Variants in LINGO1 observed in about 807,000 individuals in gnomAD.
LINGO1 encodes leucine rich repeat and Ig domain containing 1.
Under a neutral mutation model 37.3 loss-of-function variants are expected in LINGO1, and 11 were observed. That is an observed-to-expected ratio of 0.29 (90% CI 0.19 to 0.49). The LOEUF (loss-of-function observed/expected upper bound fraction) is 0.49, where lower values mean the gene tolerates loss of function less well. Ranked by LOEUF, LINGO1 falls within the 20% of genes least tolerant of loss-of-function variation. The probability of loss-of-function intolerance (pLI) is 0.99; values close to 1 mark genes in which losing one functional copy is unlikely to be tolerated. For missense variants in LINGO1, 585 were observed against 878.2 expected (o/e 0.67, Z 4.22); for synonymous variants, 387 against 403.0 (o/e 0.96, Z 0.48).
intron 3 of LINGO1, among the ~76,000 whole-genome samples, chr15:77,650,982 G>C (rs2141138593): frequency 6.6e-6 from 1 of 152,240 alleles, no homozygotes; most frequent in Admixed American, 6.5e-5. Flanking sequence ...GCTAGGTCCA[G>C]AGTGGATCTG....
chr15:77,785,901 T>C (rs1449115040), intron 1 of LINGO1, among the ~76,000 whole-genome samples: 1 of 152,134 alleles, frequency 6.6e-6, no homozygotes, highest in Non-Finnish European at 1.5e-5. Context: ...CACCTACTCA[T>C]GATGTGGCGG....
At chr15:77,696,120 TATCTCTGTATAATG>T (rs2075689297) in intron 1 of LINGO1, 1 of 152,154 alleles carries the variant, frequency 6.6e-6, no homozygotes, top group Non-Finnish European at 1.5e-5. Flanking sequence ...TTAGGCTAAA[TATCTCTGTATAATG>T]GGGAATTATC....
Position 77,713,994 on chromosome 15 carries a change from C to T in LINGO1, c.-195+20998G>A, listed in dbSNP as rs1056697241. Among the ~76,000 whole-genome samples, 3 of 152,268 alleles carry T rather than the reference C, an allele frequency of 2.0e-5. No individual in the cohort carries two copies. The East Asian group carries it at 5.8e-4, about 29-fold the overall frequency. On this transcript the variant is annotated intron_variant, in intron 2 of 3. Coordinates refer to the LINGO1 transcript ENST00000561686. ...CCTTGGCTTTGCCCAGGTCTTTAAA[C>T]ACCATCTACAGCTGCTGGTTCCCAC... is the stretch of plus-strand genomic sequence containing the variant.
chr15:77,778,589 G>C (rs374033551), intron 1 of LINGO1, among the ~76,000 whole-genome samples: 1 of 152,128 alleles, frequency 6.6e-6, no homozygotes, highest in East Asian at 1.9e-4. Context: ...CAAAAACTGT[G>C]GGGCCAATTC....
intron 2 of LINGO1, among the ~76,000 whole-genome samples, chr15:77,714,695 T>C (rs1400791035): frequency 1.3e-5 from 2 of 152,202 alleles, no homozygotes; most frequent in Middle Eastern, 3.2e-3. Context: ...GTGGAGTGAA[T>C]GGGTGAGCTC....
chr15:77,808,801 T>C (rs776869383), intron 1 of LINGO1, among the ~76,000 whole-genome samples: 4 of 152,164 alleles, frequency 2.6e-5, no homozygotes, highest in Non-Finnish European at 4.4e-5. Context: ...AATGAGGTAA[T>C]ACAGGTAAAG....
At chr15:77,647,739 C>T in intron 3 of LINGO1, 2 of 408,426 alleles carry the variant, frequency 4.9e-6, no homozygotes, top group East Asian at 7.1e-5. Context: ...GCCCCATGCC[C>T]TTCTTGTCCC....
intron 2 of LINGO1, among the ~76,000 whole-genome samples, chr15:77,678,642 G>C (rs1718024411): frequency 6.6e-6 from 1 of 152,176 alleles, no homozygotes; most frequent in Admixed American, 6.5e-5. Context: ...ACAGGTTTTT[G>C]TGTGAATGTA....
At chr15:77,718,103 C>T (rs995651275) in intron 2 of LINGO1, among the ~76,000 whole-genome samples, 3 of 150,806 alleles carry the variant, frequency 2.0e-5, no homozygotes, top group Non-Finnish European at 4.4e-5. Flanking sequence ...GAGCAGGGCT[C>T]CCAGCCCAGG....
Position 77,689,534 on chromosome 15 carries a change from C to T in LINGO1, c.-99+1186G>A, listed in dbSNP as rs530677580. 2.4e-3 allele frequency among the ~76,000 whole-genome samples: 370 copies of T among 152,334 alleles called. 3 individuals are homozygous for T. The highest frequency in any genetic ancestry group is 8.4e-3 in the African/African-American group (348 of 41,592). On this transcript the variant is annotated intron_variant, in intron 2 of 3. Transcript: ENST00000559893. ...GGCCACCTCACCTGGGCCATCCAGG[C>T]CCTCCCATGGGTGGCTCACGGCCAA...
chr15:77,683,601 TG>T (rs2075453302), intron 2 of LINGO1, among the ~76,000 whole-genome samples: 1 of 152,074 alleles, frequency 6.6e-6, no homozygotes, highest in Admixed American at 6.6e-5. Flanking sequence ...AAGTGAAAAA[TG>T]GAACTGGTGG....
At chr15:77,634,792 G>A (rs981943136), upstream of LINGO1, among the ~76,000 whole-genome samples, 1 of 129,198 alleles carries the variant, frequency 7.7e-6, no homozygotes, top group Non-Finnish European at 1.7e-5. Context: ...TGAGCTACCC[G>A]TGCGCTCCCG....
intron 1 of LINGO1, among the ~76,000 whole-genome samples, chr15:77,782,950 C>A (rs1182282835): frequency 6.6e-6 from 1 of 152,094 alleles, no homozygotes; most frequent in Non-Finnish European, 1.5e-5. Context: ...GTTTCCCACC[C>A]CTGTCCCCGC....
At chr15:77,740,765 A>AAAGACCTGC (rs1422615369) in intron 1 of LINGO1, among the ~76,000 whole-genome samples, 1 of 152,182 alleles carries the variant, frequency 6.6e-6, no homozygotes, top group Non-Finnish European at 1.5e-5. Flanking sequence ...GAGGCTCAGA[A>AAAGACCTGC]AAGACCTGCA....
intron 2 of LINGO1, among the ~76,000 whole-genome samples, chr15:77,703,502 A>T (rs1229264441): frequency 1.4e-4 from 22 of 152,032 alleles, no homozygotes; most frequent in Admixed American, 1.4e-3. Context: ...CCTTCTCTGA[A>T]CCTCATCTGC....
At chr15:77,804,025 T>C (rs1022839586) in intron 1 of LINGO1, among the ~76,000 whole-genome samples, 3 of 151,972 alleles carry the variant, frequency 2.0e-5, no homozygotes, top group Non-Finnish European at 4.4e-5. Context: ...TAGCATCTCA[T>C]CCTAGGTAGC....
intron 1 of LINGO1, among the ~76,000 whole-genome samples, chr15:77,695,243 G>A (rs1452900026): frequency 6.6e-6 from 1 of 152,220 alleles, no homozygotes; most frequent in Non-Finnish European, 1.5e-5. Context: ...CCTCGTGGAA[G>A]TGCCAGGCAG....
chr15:77,665,108 A>T (rs1276674646), intron 3 of LINGO1, among the ~76,000 whole-genome samples: 1 of 152,150 alleles, frequency 6.6e-6, no homozygotes, highest in Non-Finnish European at 1.5e-5. Context: ...TCTGAGCCCC[A>T]TGAGGTGTAT....
intron 2 of LINGO1, among the ~76,000 whole-genome samples, chr15:77,689,841 C>A (rs2075572852): frequency 6.6e-6 from 1 of 152,104 alleles, no homozygotes; most frequent in African/African-American, 2.4e-5. Context: ...ACAAAAAAAC[C>A]AAACCAGCGA....
Sources: gnomAD v4.1 joint callset for allele counts (sites outside exome capture counted in the v4.1 genomes callset) on GRCh38, gnomAD v4.1.1 for gene constraint, MANE v1.5 for transcripts, NCBI Gene and HGNC (gene_info 2026-07-23, HGNC 2026-07-21) for gene names.